UBR3: variants seen among roughly 807,000 people sequenced by gnomAD.
UBR3 encodes the protein ubiquitin protein ligase E3 component n-recognin 3, also known as E3 ubiquitin-protein ligase UBR3.
UBR3 carries 85 observed loss-of-function variants against 243.2 expected under a neutral mutation model. That is an observed-to-expected ratio of 0.35 (90% CI 0.29 to 0.42). UBR3 has a LOEUF of 0.42. UBR3 is among the 10% of genes least tolerant of loss of function. The pLI is 1.00. For missense variants in UBR3, 1,686 were observed against 2,300.8 expected, an observed-to-expected ratio of 0.73 and a Z score of 5.47; for synonymous variants, 748 against 799.8, an observed-to-expected ratio of 0.94 and a Z score of 1.09.
intron 3 of UBR3, among the ~76,000 whole-genome samples, chr2:169,876,980 G>GGA (rs1276700736): frequency 6.6e-6 from 1 of 152,106 alleles, no homozygotes; most frequent in Non-Finnish European, 1.5e-5. Flanking sequence ...GTATCGCCTA[G>GGA]GATTTTCTAA....
intron 1 of UBR3, among the ~76,000 whole-genome samples, chr2:169,868,929 C>G (rs1189101169): frequency 5.9e-5 from 9 of 152,118 alleles, no homozygotes; most frequent in Non-Finnish European, 5.9e-5. Flanking sequence ...CCCTGGTACC[C>G]CTTTATTCCC....
At chr2:169,872,058 T>TTTTATAAAATATACCTTTTATAAAAAA (rs1559042747) in intron 1 of UBR3, among the ~76,000 whole-genome samples, 178 bp from the exon 2 acceptor site, 2 of 152,150 alleles carry the variant, frequency 1.3e-5, no homozygotes, top group Non-Finnish European at 2.9e-5. Flanking sequence ...AAAATATACC[T>TTTTATAAAATATACCTTTTATAAAAAA]GAGTGCCATT....
At chr2:169,899,136 G>A (rs540609767) in intron 8 of UBR3, among the ~76,000 whole-genome samples, 1 of 152,004 alleles carries the variant, frequency 6.6e-6, no homozygotes, top group East Asian at 1.9e-4. Context: ...CCGCCACCAT[G>A]CCCGGCTAAT....
At chr2:169,857,091 T>TTTTTATG (rs2082911942) in intron 1 of UBR3, among the ~76,000 whole-genome samples, 1 of 118,594 alleles carries the variant, frequency 8.4e-6, no homozygotes, top group Non-Finnish European at 1.6e-5. Flanking sequence ...TTTTTTTTTT[T>TTTTTATG]GAGACGGAGT....
chr2:170,032,731 T>C (rs1348490070), intron 31 of UBR3, among the ~76,000 whole-genome samples: 1 of 151,970 alleles, frequency 6.6e-6, no homozygotes, highest in African/African-American at 2.4e-5. Flanking sequence ...TGTTCCTTTT[T>C]AGTGCATAGT....
chr2:169,921,612 T>C (rs2085700900), intron 11 of UBR3, among the ~76,000 whole-genome samples: 1 of 152,216 alleles, frequency 6.6e-6, no homozygotes, highest in Admixed American at 6.5e-5. Context: ...CTAAACTCTT[T>C]ATTATTCCTA....
chr2:169,961,026 A>T (rs1378289578), intron 24 of UBR3, among the ~76,000 whole-genome samples: 4 of 151,998 alleles, frequency 2.6e-5, no homozygotes, highest in African/African-American at 7.3e-5. Context: ...TGACTTTGTT[A>T]TGTTGCCTTT....
chr2:169,898,999 C>CCTACTTCTTTGCTTTTTAAAGGAAAATT (rs1379209257), intron 8 of UBR3, among the ~76,000 whole-genome samples: 1 of 151,276 alleles, frequency 6.6e-6, no homozygotes. Flanking sequence ...CCGCGCCTGG[C>CCTACTTCTTTGCTTTTTAAAGGAAAATT]TGGAGTTTCA....
At chr2:170,053,337 C>A (rs935030889) in intron 32 of UBR3, among the ~76,000 whole-genome samples, 1 of 152,156 alleles carries the variant, frequency 6.6e-6, no homozygotes, top group Admixed American at 6.5e-5. Context: ...CCAGTAAAAA[C>A]CTTGGGCACT....
intron 6 of UBR3, among the ~76,000 whole-genome samples, chr2:169,891,489 C>G (rs776167358): frequency 1.3e-5 from 2 of 152,020 alleles, no homozygotes; most frequent in Non-Finnish European, 2.9e-5. Flanking sequence ...CATTGATTGA[C>G]TGATTTGGCT....
chr2:169,928,134 A>C (rs2085977972), intron 17 of UBR3, among the ~76,000 whole-genome samples: 1 of 152,188 alleles, frequency 6.6e-6, no homozygotes, highest in African/African-American at 2.4e-5. Flanking sequence ...TCAATTTGAT[A>C]CTGTCTGATG....
At chr2:169,835,132 G>A (rs1275862536) in intron 1 of UBR3, among the ~76,000 whole-genome samples, 1 of 4,206 alleles carries the variant, frequency 2.4e-4, no homozygotes, top group Admixed American at 7.1e-3. Context: ...TGTACTTAAT[G>A]CCACTAAAAC....
chr2:169,994,223 T>C (rs1478796897), intron 25 of UBR3, 100 bp from the exon 26 acceptor site: 7 of 1,359,262 alleles, frequency 5.1e-6, no homozygotes, highest in Non-Finnish European at 7.1e-6. Context: ...AATAGTGAAA[T>C]AATTTGAGTT....
chr2:169,838,176 G>A (rs1189994192), intron 1 of UBR3, among the ~76,000 whole-genome samples: 1 of 152,138 alleles, frequency 6.6e-6, no homozygotes, highest in South Asian at 2.1e-4. Context: ...ACATGTTCAA[G>A]TATGTTCATT....
At chr2:170,031,602 G>T (rs2090672306) in intron 31 of UBR3, among the ~76,000 whole-genome samples, 1 of 152,038 alleles carries the variant, frequency 6.6e-6, no homozygotes, top group African/African-American at 2.4e-5. Flanking sequence ...AGATGCTGAG[G>T]TTTGGGGTGT....
intron 29 of UBR3, 95 bp downstream of exon 29, chr2:170,009,035 A>G (rs1257382697): frequency 3.7e-6 from 3 of 811,864 alleles, no homozygotes; most frequent in African/African-American, 3.6e-5. Context: ...TAAAGGATGC[A>G]TATTTTTAAT....
intron 1 of UBR3, among the ~76,000 whole-genome samples, chr2:169,859,699 TA>T (rs2105301062): frequency 4.7e-5 from 1 of 21,478 alleles, no homozygotes; most frequent in South Asian, 4.0e-3. Flanking sequence ...GCTGATATTT[TA>T]TTTATTTATT....
intron 24 of UBR3, among the ~76,000 whole-genome samples, chr2:169,960,705 T>C (rs1259710707): frequency 6.6e-6 from 1 of 152,166 alleles, no homozygotes; most frequent in Non-Finnish European, 1.5e-5. Context: ...TTTTACCTCT[T>C]GCCTTTTTTC....
intron 24 of UBR3, among the ~76,000 whole-genome samples, chr2:169,978,516 A>G (rs2088571157): frequency 1.3e-5 from 2 of 152,044 alleles, no homozygotes; most frequent in Admixed American, 6.6e-5. Flanking sequence ...GTTTGAGCCC[A>G]GGGTGCAGGG....
Sources: gnomAD v4.1 joint callset for allele counts (sites outside exome capture counted in the v4.1 genomes callset) on GRCh38, gnomAD v4.1.1 for gene constraint, MANE v1.5 for transcripts, NCBI Gene and HGNC (gene_info 2026-07-23, HGNC 2026-07-21) for gene names.